The following WWOX variants were observed in gnomAD, a reference collection of about 807,000 sequenced individuals.
WWOX encodes WW domain containing oxidoreductase.
WWOX carries 69 observed loss-of-function variants against 46.2 expected under a neutral mutation model. The observed-to-expected ratio is 1.49, with a 90% CI of 1.23 to 1.82. The LOEUF is 1.82. Ranked by LOEUF, WWOX falls within the 40% of genes most tolerant of loss-of-function variation. The pLI, the probability that WWOX is intolerant of heterozygous loss-of-function variation, is 0.00. For missense variants in WWOX, 919 were observed against 542.6 expected (o/e 1.69, Z -6.89); for synonymous variants, 359 against 202.6 (o/e 1.77, Z -6.56).
At chr16:79,097,481 C>G (rs187332772) in intron 8 of WWOX, among the ~76,000 whole-genome samples, 1 of 152,054 alleles carries the variant, frequency 6.6e-6, no homozygotes, top group African/African-American at 2.4e-5. Context: ...AAAGCAAAAT[C>G]CATATTTTGT....
chr16:78,633,899 T>G (rs985186611), intron 8 of WWOX, among the ~76,000 whole-genome samples: 1 of 151,054 alleles, frequency 6.6e-6, no homozygotes, highest in African/African-American at 2.4e-5. Flanking sequence ...CTGAGGTGTT[T>G]TTTTTTTTTT....
chr16:79,210,685 T>TC (rs2051701695), intron 8 of WWOX, among the ~76,000 whole-genome samples: 1 of 152,132 alleles, frequency 6.6e-6, no homozygotes, highest in Admixed American at 6.5e-5. Flanking sequence ...CGACCATGTC[T>TC]CCCTCTGAAC....
chr16:79,073,123 C>T (rs1053507645), intron 8 of WWOX, among the ~76,000 whole-genome samples: 11 of 149,854 alleles, frequency 7.3e-5, no homozygotes, highest in African/African-American at 2.0e-4. Context: ...AGCTTTCTAT[C>T]GCTTTTTTAC....
At chr16:78,951,969 C>T (rs991431467) in intron 8 of WWOX, among the ~76,000 whole-genome samples, 2 of 152,132 alleles carry the variant, frequency 1.3e-5, no homozygotes, top group African/African-American at 4.8e-5. Context: ...CTTTTTGAGA[C>T]CCAAATGTGA....
At chr16:78,427,450 C>T (rs1289965938) in intron 7 of WWOX, among the ~76,000 whole-genome samples, 1 of 152,114 alleles carries the variant, frequency 6.6e-6, no homozygotes, top group Non-Finnish European at 1.5e-5. Flanking sequence ...GAGCAGAGTG[C>T]TGGTTGAACA....
At chr16:78,150,886 T>A (rs1277640567) in intron 4 of WWOX, among the ~76,000 whole-genome samples, 1 of 151,988 alleles carries the variant, frequency 6.6e-6, no homozygotes, top group Non-Finnish European at 1.5e-5. Flanking sequence ...AAGGTTTTTG[T>A]TTTTTTAGAC....
At chr16:78,691,393 C>CTTT (rs1183703608) in intron 8 of WWOX, 4 of 663,194 alleles carry the variant, frequency 6.0e-6, no homozygotes, top group Non-Finnish European at 1.1e-5. Context: ...AGTTGGCCTA[C>CTTT]AGGGTGCTTT....
Position 78,422,061 on chromosome 16 carries a change from C to T in WWOX, c.606-2809C>T, listed in dbSNP as rs189288827. Among the ~76,000 whole-genome samples, 339 of 152,156 alleles carry T rather than the reference C, an allele frequency of 2.2e-3. 2 individuals carry two copies. Among genetic ancestry groups the T allele is most frequent in the African/African-American group, 7.7e-3 (318 of 41,516 alleles). ...AATATTTACTACTAGTGTAGTTGGACGTGTTAAATATTGCAATGGTTATTT... is the reference window on the plus strand; with the variant it reads ...AATATTTACTACTAGTGTAGTTGGATGTGTTAAATATTGCAATGGTTATTT... On this transcript the variant is annotated intron_variant, in intron 6 of 8. Transcript: ENST00000566780.
chr16:79,175,147 G>T (rs371537283), intron 8 of WWOX, among the ~76,000 whole-genome samples: 1 of 152,146 alleles, frequency 6.6e-6, no homozygotes, highest in African/African-American at 2.4e-5. Flanking sequence ...CCCCATAAAA[G>T]TTGAACAACT....
intron 8 of WWOX, among the ~76,000 whole-genome samples, chr16:79,009,602 C>T (rs1017648636): frequency 6.6e-6 from 1 of 152,098 alleles, no homozygotes; most frequent in African/African-American, 2.4e-5. Flanking sequence ...AGGCACATGC[C>T]ACCACACCTG....
intron 8 of WWOX, among the ~76,000 whole-genome samples, chr16:78,459,075 G>A (rs2083891636): frequency 6.6e-6 from 1 of 152,196 alleles, no homozygotes. Flanking sequence ...GCCAGCAGAT[G>A]ACTTTGGAAG....
intron 8 of WWOX, among the ~76,000 whole-genome samples, chr16:79,121,264 T>C (rs2049625415): frequency 6.6e-6 from 1 of 152,212 alleles, no homozygotes; most frequent in South Asian, 2.1e-4. Context: ...CCACAGATAC[T>C]GAGGTGCATT....
chr16:78,840,321 C>A (rs993814071), intron 8 of WWOX, among the ~76,000 whole-genome samples: 11 of 152,140 alleles, frequency 7.2e-5, no homozygotes, highest in African/African-American at 1.4e-4. Flanking sequence ...TTTTGAAGAG[C>A]GATTCTTGTG....
chr16:78,623,883 G>C (rs985761200), intron 8 of WWOX, among the ~76,000 whole-genome samples: 2 of 152,108 alleles, frequency 1.3e-5, no homozygotes, highest in Non-Finnish European at 1.5e-5. Flanking sequence ...GTCACATATT[G>C]TATAGAATAA....
At chr16:79,036,131 A>T (rs540308841) in intron 8 of WWOX, among the ~76,000 whole-genome samples, 1 of 152,028 alleles carries the variant, frequency 6.6e-6, no homozygotes. Flanking sequence ...TTCACTCTCT[A>T]TGAAATACCT....
At chr16:78,931,875 T>C (rs1410337654) in intron 8 of WWOX, among the ~76,000 whole-genome samples, 2 of 152,178 alleles carry the variant, frequency 1.3e-5, no homozygotes, top group South Asian at 4.1e-4. Context: ...GGGAGGTAAT[T>C]GGATCATGGG....
chr16:78,755,378 G>A (rs751777286), intron 8 of WWOX, among the ~76,000 whole-genome samples: 1 of 152,168 alleles, frequency 6.6e-6, no homozygotes, highest in Non-Finnish European at 1.5e-5. Context: ...TCCTGGTCCA[G>A]GTAAAGCAGG....
At chr16:78,993,624 T>C (rs964495980) in intron 8 of WWOX, among the ~76,000 whole-genome samples, 5 of 152,208 alleles carry the variant, frequency 3.3e-5, no homozygotes, top group African/African-American at 1.2e-4. Context: ...CTTGGCATGC[T>C]GCTCCAGAGT....
At chr16:79,147,465 G>A (rs527937498) in intron 8 of WWOX, among the ~76,000 whole-genome samples, 1 of 152,146 alleles carries the variant, frequency 6.6e-6, no homozygotes, top group Non-Finnish European at 1.5e-5. Context: ...GTATTCCATG[G>A]TATTGTACAT....
Sources: gnomAD v4.1 joint callset for allele counts (sites outside exome capture counted in the v4.1 genomes callset) on GRCh38, gnomAD v4.1.1 for gene constraint, MANE v1.5 for transcripts, NCBI Gene and HGNC (gene_info 2026-07-23, HGNC 2026-07-21) for gene names.